The following PTK2 variants were observed in gnomAD, a reference collection of about 807,000 sequenced individuals.
PTK2 encodes the protein focal adhesion kinase 1.
PTK2 carries 45 observed loss-of-function variants against 150.1 expected under a neutral mutation model. The observed-to-expected ratio is 0.30, with a 90% CI of 0.24 to 0.38. The LOEUF is 0.38. Among genes scored for constraint, PTK2 ranks in the 10% least tolerant of loss-of-function variants. PTK2 has a pLI of 1.00. For synonymous variants in PTK2, 432 were observed against 449.2 expected (o/e 0.96, Z 0.48); for missense variants, 919 against 1,307.3 (o/e 0.70, Z 4.58).
intron 29 of PTK2, 137 bp downstream of exon 33, chr8:140,669,590 G>C: frequency 1.1e-6 from 1 of 869,776 alleles, no homozygotes; most frequent in Non-Finnish European, 1.8e-6. Context: ...TTTGGCATCT[G>C]TCAGTCATGA....
chr8:140,948,413 G>A (rs542705990), intron 1 of PTK2, among the ~76,000 whole-genome samples: 1 of 152,058 alleles, frequency 6.6e-6, no homozygotes, highest in Non-Finnish European at 1.5e-5. Flanking sequence ...TCAATATTTA[G>A]GGCAATACTA....
Position 140,696,698 on chromosome 8 carries a change from C to T in PTK2, c.2499+4193G>A, listed in dbSNP as rs78564913. ...GCAGACACAGCAGCATGAGAAAAGG[C>T]ATGAGTTAAAAAACACTCATTTACA... On this transcript the variant is annotated intron_variant, in intron 26 of 31. Coordinates refer to ENST00000522684, the Ensembl canonical transcript of PTK2. Among the ~76,000 whole-genome samples, 364 of 152,028 alleles carry T rather than the reference C, an allele frequency of 2.4e-3. 2 individuals carry two copies. Among genetic ancestry groups the T allele is most frequent in the African/African-American group, 8.4e-3 (349 of 41,478 alleles).
At chr8:140,744,739 T>C (rs878961416) in exon 19 of PTK2, 15 of 1,602,404 alleles carry the variant, frequency 9.4e-6, no homozygotes, top group Non-Finnish European at 1.3e-5. Flanking sequence ...ATCCAAACTG[T>C]ATTTCCTTAC....
intron 1 of PTK2, among the ~76,000 whole-genome samples, chr8:140,950,088 C>T (rs559262601): frequency 4.6e-4 from 70 of 152,346 alleles, no homozygotes; most frequent in African/African-American, 1.7e-3. Context: ...CTCCTGAGAG[C>T]TGTTCTGCTG....
At chr8:140,876,151 T>C (rs1482784977) in intron 4 of PTK2, among the ~76,000 whole-genome samples, 5 of 152,170 alleles carry the variant, frequency 3.3e-5, no homozygotes. Flanking sequence ...TCAGTTACTA[T>C]CTTGTTTCAT....
At chr8:140,761,434 C>A in intron 15 of PTK2, 172 bp from the exon 19 acceptor site, 1 of 655,154 alleles carries the variant, frequency 1.5e-6, no homozygotes, top group Non-Finnish European at 2.7e-6. Context: ...AACAGGAATT[C>A]ATGTAATTAG....
intron 12 of PTK2, among the ~76,000 whole-genome samples, chr8:140,794,958 G>C (rs2100090743): frequency 6.6e-6 from 1 of 152,168 alleles, no homozygotes; most frequent in African/African-American, 2.4e-5. Flanking sequence ...GGGTGCACCT[G>C]CATACTTCCC....
At chr8:140,792,215 A>T (rs1331509938) in intron 13 of PTK2, among the ~76,000 whole-genome samples, 2 of 152,200 alleles carry the variant, frequency 1.3e-5, no homozygotes, top group Non-Finnish European at 2.9e-5. Context: ...TGTACAAAAA[A>T]TGTGGTTTAT....
At position 140,659,142 on chromosome 8, in the gene PTK2, C is replaced by T. The variant is rs539633796; in HGVS notation, c.*324G>A. 5.9e-4 allele frequency: 198 copies of T among 337,464 alleles called. 2 individuals are homozygous for T. The highest frequency in any genetic ancestry group is 3.6e-3 in the South Asian group (75 of 20,854). The allele number at this position is 337,464 out of a possible 1,614,324, so 20.9% of individuals were successfully genotyped here. A position where few individuals can be genotyped will look rare whatever the true frequency, so the allele number is the denominator to read the frequency against. ...AAGATGTCACCCCTTGGCCATCCCC[C>T]TTTAGAACGTATCTTAATGTGAACA... On this transcript the variant is annotated 3_prime_UTR_variant, in exon 32 of 32. Coordinates refer to ENST00000522684, the Ensembl canonical transcript of PTK2.
chr8:140,747,754 A>G (rs1324954036), intron 17 of PTK2, among the ~76,000 whole-genome samples: 3 of 76,198 alleles, frequency 3.9e-5, no homozygotes, highest in African/African-American at 1.1e-4. Flanking sequence ...GAGGGGGAGG[A>G]AGGAAGGAGG....
chr8:140,796,483 T>C (rs2100091677), intron 12 of PTK2, among the ~76,000 whole-genome samples: 1 of 152,294 alleles, frequency 6.6e-6, no homozygotes, highest in East Asian at 1.9e-4. Context: ...AATGACACAT[T>C]AGTGTGATTT....
At chr8:140,759,530 T>TAAAAAAAAAAAAAAAA (rs761643170) in intron 16 of PTK2, among the ~76,000 whole-genome samples, 1 of 58,064 alleles carries the variant, frequency 1.7e-5, no homozygotes, top group African/African-American at 7.9e-5. Context: ...GACCCTGTCC[T>TAAAAAAAAAAAAAAAA]AAAAAAAAAA....
At chr8:140,769,631 G>A in intron 14 of PTK2, 39 bp from the exon 16 acceptor site, 1 of 1,329,588 alleles carries the variant, frequency 7.5e-7, no homozygotes, top group South Asian at 1.2e-5. Context: ...GGGAAGTAGG[G>A]AACAGAGGGA....
chr8:140,662,742 G>C (rs1265509543), intron 31 of PTK2: 1 of 591,204 alleles, frequency 1.7e-6, no homozygotes, highest in Non-Finnish European at 3.2e-6. Flanking sequence ...GTATGTCTCT[G>C]GGTATGATGC....
chr8:140,715,497 T>C (rs1359509446), intron 23 of PTK2, among the ~76,000 whole-genome samples: 1 of 151,902 alleles, frequency 6.6e-6, no homozygotes, highest in Non-Finnish European at 1.5e-5. Flanking sequence ...AATCTGGGGG[T>C]TGCCAAATCT....
At chr8:140,925,244 T>C (rs2100169024) in intron 2 of PTK2, among the ~76,000 whole-genome samples, 1 of 152,242 alleles carries the variant, frequency 6.6e-6, no homozygotes. Context: ...ATTCATATTA[T>C]ACATGCATAC....
rs375143734 is a variant in PTK2 at position 140,883,598 on chromosome 8, C to T, written c.196-3961G>A. Among the ~76,000 whole-genome samples, 33 of 152,258 alleles carry T rather than the reference C, an allele frequency of 2.2e-4. No homozygotes were observed. In the East Asian group the frequency reaches 3.7e-3, roughly 17 times the overall value. The stretch of plus-strand genomic sequence containing the variant: ...TTCAGCTTTAGAAAACCAAGGGATT[C>T]CTACCATTCTTCTTGGAGGCTTTCA... On this transcript the variant is annotated intron_variant, in intron 3 of 31. Transcript: ENST00000522684.
intron 22 of PTK2, chr8:140,718,516 C>T (rs2100041035): frequency 6.6e-6 from 1 of 152,214 alleles, no homozygotes; most frequent in South Asian, 2.1e-4. Context: ...CTCGTCCTAA[C>T]TGTGGCAAAC....
At chr8:140,716,279 G>GCA (rs2100039663) in intron 23 of PTK2, among the ~76,000 whole-genome samples, 1 of 152,148 alleles carries the variant, frequency 6.6e-6, no homozygotes, top group Non-Finnish European at 1.5e-5. Context: ...GGACTATTCT[G>GCA]CAGTAGTAAA....
Sources: gnomAD v4.1 joint callset for allele counts (sites outside exome capture counted in the v4.1 genomes callset) on GRCh38, gnomAD v4.1.1 for gene constraint, MANE v1.5 for transcripts, NCBI Gene and HGNC (gene_info 2026-07-23, HGNC 2026-07-21) for gene names.